The following PPP1R16B variants were observed in gnomAD, a reference collection of about 807,000 sequenced individuals.
PPP1R16B encodes the protein protein phosphatase 1 regulatory inhibitor subunit 16B.
A neutral mutation model predicts 61.7 loss-of-function variants in PPP1R16B; 14 were observed. The observed-to-expected ratio is 0.23, with a 90% CI of 0.15 to 0.35. The LOEUF is 0.35. Ranked by LOEUF, PPP1R16B falls within the 10% of genes least tolerant of loss-of-function variation. The probability of loss-of-function intolerance (pLI) is 1.00; values close to 1 mark genes in which losing one functional copy is unlikely to be tolerated. For missense variants in PPP1R16B, 547 were observed against 752.5 expected, an observed-to-expected ratio of 0.73 and a Z score of 3.19; for synonymous variants, 266 against 305.3, an observed-to-expected ratio of 0.87 and a Z score of 1.34.
chr20:38,890,706 A>G (rs1216824003), intron 3 of PPP1R16B, among the ~76,000 whole-genome samples: 1 of 152,220 alleles, frequency 6.6e-6, no homozygotes, highest in African/African-American at 2.4e-5. Context: ...CCATGCTGGC[A>G]TACAGTAGGT....
At chr20:38,817,295 G>A (rs1424597575) in intron 1 of PPP1R16B, among the ~76,000 whole-genome samples, 1 of 152,166 alleles carries the variant, frequency 6.6e-6, no homozygotes, top group Non-Finnish European at 1.5e-5. Context: ...GGGTGTGGTG[G>A]CTCACAGCTA....
chr20:38,845,478 TA>T (rs1338618253), intron 2 of PPP1R16B, among the ~76,000 whole-genome samples: 1 of 152,112 alleles, frequency 6.6e-6, no homozygotes, highest in Non-Finnish European at 1.5e-5. Context: ...AATAAAAATG[TA>T]AAAGTAAAAA....
chr20:38,833,857 A>G (rs1469855035), intron 1 of PPP1R16B, among the ~76,000 whole-genome samples: 1 of 152,316 alleles, frequency 6.6e-6, no homozygotes, highest in Non-Finnish European at 1.5e-5. Flanking sequence ...CAATCTGAGC[A>G]CCTGAGGATT....
chr20:38,902,447 A>G (rs185140500), intron 5 of PPP1R16B, among the ~76,000 whole-genome samples: 1 of 152,302 alleles, frequency 6.6e-6, no homozygotes, highest in Non-Finnish European at 1.5e-5. Flanking sequence ...ACCAATATGA[A>G]TCCATTGCCT....
At chr20:38,914,995 A>AT (rs889142265) in intron 10 of PPP1R16B, among the ~76,000 whole-genome samples, 86 of 150,344 alleles carry the variant, frequency 5.7e-4, no homozygotes, top group South Asian at 1.1e-3. Flanking sequence ...AAACTAATAG[A>AT]TTTTTTTTTT....
intron 2 of PPP1R16B, among the ~76,000 whole-genome samples, chr20:38,847,471 C>G (rs1050187573): frequency 2.0e-5 from 3 of 152,216 alleles, no homozygotes; most frequent in African/African-American, 7.2e-5. Flanking sequence ...ATTCTCCTGT[C>G]TCAGCCTCCC....
chr20:38,908,475 G>A (rs757099142), intron 10 of PPP1R16B, among the ~76,000 whole-genome samples: 7 of 152,246 alleles, frequency 4.6e-5, no homozygotes, highest in African/African-American at 7.2e-5. Flanking sequence ...GACAGGGGGT[G>A]AGTGTCCGCT....
intron 2 of PPP1R16B, among the ~76,000 whole-genome samples, chr20:38,857,605 G>A (rs1314977475): frequency 6.6e-6 from 1 of 152,140 alleles, no homozygotes; most frequent in African/African-American, 2.4e-5. Flanking sequence ...GGTAGGTTTG[G>A]GGACATGTCA....
intron 2 of PPP1R16B, among the ~76,000 whole-genome samples, chr20:38,845,764 G>T (rs1005047741): frequency 2.6e-5 from 4 of 152,172 alleles, no homozygotes. Context: ...ATTTGATTTC[G>T]ATGAAAAGCC....
chr20:38,840,261 C>T (rs766831746), intron 2 of PPP1R16B, among the ~76,000 whole-genome samples: 55 of 152,118 alleles, frequency 3.6e-4, no homozygotes, highest in Non-Finnish European at 7.6e-4. Flanking sequence ...GGCGTGGGAG[C>T]GTGGGGTGGC....
intron 4 of PPP1R16B, among the ~76,000 whole-genome samples, chr20:38,898,828 A>ACAACAACAG (rs1555808202): frequency 6.6e-6 from 1 of 152,010 alleles, no homozygotes; most frequent in African/African-American, 2.4e-5. Context: ...AACAACAACA[A>ACAACAACAG]CAACAACAAC....
intron 3 of PPP1R16B, 29 bp downstream of exon 3, chr20:38,889,694 G>A (rs768532303): frequency 2.6e-6 from 4 of 1,537,536 alleles, no homozygotes; most frequent in Non-Finnish European, 3.6e-6. Context: ...GGGCTCCAGG[G>A]CTCCCTGCCC....
chr20:38,822,379 C>T (rs797018553), intron 1 of PPP1R16B, among the ~76,000 whole-genome samples: 26 of 152,130 alleles, frequency 1.7e-4, no homozygotes, highest in African/African-American at 4.8e-4. Context: ...ACTGACTGGG[C>T]GCTTCCCGCA....
chr20:38,816,187 C>A lies in PPP1R16B; in HGVS notation c.-102+10395C>A, dbSNP rs577622521. 1.3e-4 allele frequency among the ~76,000 whole-genome samples: 20 copies of A among 152,162 alleles called. 1 individual carries two copies. In the South Asian group the frequency reaches 4.1e-3, roughly 32 times the overall value. ...TTTAGAATAGTCTCTTTGGTAGTTT[C>A]CATGTTCACAAATAGGGTTTGTTTG... On this transcript the variant is annotated intron_variant, in intron 1 of 10. Transcript: ENST00000299824.
intron 1 of PPP1R16B, among the ~76,000 whole-genome samples, chr20:38,808,832 G>A (rs1013112260): frequency 3.3e-5 from 5 of 152,050 alleles, no homozygotes; most frequent in African/African-American, 7.2e-5. Flanking sequence ...TCAGGAGTTC[G>A]AGACCAGCTG....
chr20:38,849,302 C>T (rs1459261340), intron 2 of PPP1R16B, among the ~76,000 whole-genome samples: 1 of 152,172 alleles, frequency 6.6e-6, no homozygotes, highest in Non-Finnish European at 1.5e-5. Context: ...ATAAGGTTGT[C>T]TGATCATTCC....
At position 38,922,488 on chromosome 20, in the gene PPP1R16B, G is replaced by C. The variant is rs2085607171; in HGVS notation, c.*3822G>C. On this transcript the variant is annotated 3_prime_UTR_variant, in exon 11 of 11. Coordinates refer to ENST00000299824, the MANE Select transcript of PPP1R16B (RefSeq NM_015568.4). ...GCACATAAGAGCAAAGGCTCCAATGGTCAGTGGATGACTCTGCAAAAGTGA... is the reference window on the plus strand; with the variant it reads ...GCACATAAGAGCAAAGGCTCCAATGCTCAGTGGATGACTCTGCAAAAGTGA... 1 of 152,594 alleles carries C rather than the reference G, an allele frequency of 6.6e-6. No individual in the cohort carries two copies. The highest frequency in any genetic ancestry group is 1.5e-5 in the Non-Finnish European group (1 of 68,044). 9.5% of individuals were successfully genotyped at this position (152,594 alleles called of 1,614,324 possible).
chr20:38,855,905 T>TAC (rs1320097081), intron 2 of PPP1R16B, among the ~76,000 whole-genome samples: 1 of 65,484 alleles, frequency 1.5e-5, no homozygotes, highest in African/African-American at 6.1e-5. Context: ...GACAGTTTCC[T>TAC]ACATATATAT....
chr20:38,852,767 T>TTTTTTTG (rs2084977606), intron 2 of PPP1R16B, among the ~76,000 whole-genome samples: 1 of 103,264 alleles, frequency 9.7e-6, no homozygotes, highest in East Asian at 3.2e-4. Context: ...TTTTTTTTTT[T>TTTTTTTG]TGCGGGGGGT....
Sources: allele counts gnomAD v4.1 joint callset (sites outside exome capture counted in the v4.1 genomes callset), GRCh38; gene constraint gnomAD v4.1.1; transcripts MANE v1.5; gene names NCBI Gene and HGNC (gene_info 2026-07-23, HGNC 2026-07-21).